FAM241A: variants seen among roughly 807,000 people sequenced by gnomAD.
FAM241A encodes the protein family with sequence similarity 241 member A.
Under a neutral mutation model 12.2 loss-of-function variants are expected in FAM241A, and 7 were observed. That is an observed-to-expected ratio of 0.58 (90% confidence interval 0.33 to 1.08). The LOEUF is 1.08. Ranked by LOEUF, FAM241A falls within the 50% of genes least tolerant of loss-of-function variation. The pLI is 0.04. For synonymous variants in FAM241A, 74 were observed against 68.2 expected (o/e 1.08, Z -0.42); for missense variants, 161 against 169.7 (o/e 0.95, Z 0.29).
At chr4:112,174,277 C>T (rs2110431136) in intron 1 of FAM241A, among the ~76,000 whole-genome samples, 1 of 152,314 alleles carries the variant, frequency 6.6e-6, no homozygotes, top group South Asian at 2.1e-4. Flanking sequence ...CCAGGGGCTG[C>T]TCCCCAACCT....
Position 112,188,833 on chromosome 4 carries a change from A to T in FAM241A, c.*1895A>T, listed in dbSNP as rs1271325167. ...ATTTTTAATACTAACTATTTAGTATACTGTCAGTACTGTACATCTGCACAC... is the reference window on the plus strand; with the variant it reads ...ATTTTTAATACTAACTATTTAGTATTCTGTCAGTACTGTACATCTGCACAC... On this transcript the variant is annotated 3_prime_UTR_variant, in exon 2 of 2. Transcript: ENST00000309733. 6.6e-6 allele frequency: 1 copy of T among 152,184 alleles called. No individual in the cohort carries two copies. The highest frequency in any genetic ancestry group is 2.4e-5 in the African/African-American group (1 of 41,452). 9.4% of individuals were successfully genotyped at this position (152,184 alleles called of 1,614,324 possible). A position where few individuals can be genotyped will look rare whatever the true frequency, so the allele number is the denominator to read the frequency against.
chr4:112,152,110 G>A (rs1310793472), intron 1 of FAM241A, among the ~76,000 whole-genome samples: 1 of 152,170 alleles, frequency 6.6e-6, no homozygotes, highest in Non-Finnish European at 1.5e-5. Context: ...GTAACTCAGG[G>A]AATAATTTTG....
intron 1 of FAM241A, among the ~76,000 whole-genome samples, chr4:112,182,916 C>T (rs1684985311): frequency 5.9e-5 from 9 of 151,766 alleles, no homozygotes; most frequent in Admixed American, 3.3e-4. Flanking sequence ...TGACTATAAT[C>T]TCACTGATTG....
rs548105657 is a variant in FAM241A at position 112,180,317 on chromosome 4, G to A, written c.154-6376G>A. 1.8e-3 allele frequency among the ~76,000 whole-genome samples: 281 copies of A among 152,176 alleles called. 2 individuals carry two copies. The highest frequency in any genetic ancestry group is 6.5e-3 in the African/African-American group (271 of 41,530). The stretch of plus-strand genomic sequence containing the variant: ...CCTCAGCATCATGCAGTATACCCTT[G>A]TAACAAACCTGCACATGTGCCTCCT... On this transcript the variant is annotated intron_variant, in intron 1 of 1. Transcript: ENST00000309733.
chr4:112,172,270 T>G (rs566122387), intron 1 of FAM241A, among the ~76,000 whole-genome samples: 1 of 150,842 alleles, frequency 6.6e-6, no homozygotes, highest in African/African-American at 2.5e-5. Flanking sequence ...TAAACATTGC[T>G]TGTTGTTTTC....
intron 1 of FAM241A, among the ~76,000 whole-genome samples, chr4:112,176,996 G>A (rs1324753788): frequency 2.0e-5 from 3 of 152,120 alleles, no homozygotes; most frequent in African/African-American, 7.2e-5. Flanking sequence ...GTTTGTTGGG[G>A]AGGTTTTTTG....
At chr4:112,148,075 A>AT (rs1350958426) in intron 1 of FAM241A, among the ~76,000 whole-genome samples, 3 of 152,030 alleles carry the variant, frequency 2.0e-5, no homozygotes, top group Non-Finnish European at 4.4e-5. Flanking sequence ...TCTTTCAATG[A>AT]TTTTGTCAAC....
chr4:112,183,642 A>G (rs1399775280), intron 1 of FAM241A, among the ~76,000 whole-genome samples: 6 of 152,162 alleles, frequency 3.9e-5, no homozygotes, highest in African/African-American at 1.4e-4. Context: ...AACAACAAAA[A>G]AAACCCCAAA....
chr4:112,158,184 T>C (rs1723391147), intron 1 of FAM241A, among the ~76,000 whole-genome samples: 8 of 152,104 alleles, frequency 5.3e-5, no homozygotes, highest in Admixed American at 5.2e-4. Context: ...TTCTGGATGA[T>C]AATATTTTCT....
rs1228548190 is a variant in FAM241A at position 112,193,139 on chromosome 4, T to A, written c.*6201T>A. 5 of 151,662 alleles carry A rather than the reference T, an allele frequency of 3.3e-5. No individual in the cohort carries two copies. Among genetic ancestry groups the A allele is most frequent in the African/African-American group, 9.7e-5 (4 of 41,180 alleles). The allele number at this position is 151,662 out of a possible 1,614,324, so 9.4% of individuals were successfully genotyped here. ...TTCATGTGTTTTTTGGCTGCATAAA[T>A]GTCTTCTTTTGAGAAGTGTCTGTTC... On this transcript the variant is annotated 3_prime_UTR_variant, in exon 2 of 2. Coordinates refer to ENST00000309733, the MANE Select transcript of FAM241A (RefSeq NM_152400.3).
intron 1 of FAM241A, among the ~76,000 whole-genome samples, chr4:112,182,281 C>A (rs1723955388): frequency 6.6e-6 from 1 of 152,078 alleles, no homozygotes; most frequent in South Asian, 2.1e-4. Context: ...ACAAGAACTT[C>A]TAAAAATAAT....
intron 1 of FAM241A, among the ~76,000 whole-genome samples, chr4:112,168,460 A>T (rs1486425537): frequency 6.6e-6 from 1 of 152,244 alleles, no homozygotes; most frequent in East Asian, 1.9e-4. Flanking sequence ...ATATAAAACA[A>T]GAAGCTGTTA....
intron 1 of FAM241A, among the ~76,000 whole-genome samples, chr4:112,147,167 C>A (rs1223766846): frequency 6.6e-6 from 1 of 152,106 alleles, no homozygotes; most frequent in Non-Finnish European, 1.5e-5. Flanking sequence ...TGTGGTCTTT[C>A]CAAAATTGCT....
intron 1 of FAM241A, among the ~76,000 whole-genome samples, chr4:112,185,033 G>A (rs1420840407): frequency 2.6e-5 from 4 of 151,682 alleles, no homozygotes; most frequent in Non-Finnish European, 4.4e-5. Context: ...TGGCCTATAC[G>A]GCATACTTAA....
intron 1 of FAM241A, among the ~76,000 whole-genome samples, chr4:112,158,718 T>C (rs1344344287): frequency 6.6e-6 from 1 of 152,196 alleles, no homozygotes; most frequent in East Asian, 1.9e-4. Flanking sequence ...GCTATTGATA[T>C]ATAATATTTG....
At chr4:112,149,998 A>G (rs2110418817) in intron 1 of FAM241A, among the ~76,000 whole-genome samples, 1 of 152,268 alleles carries the variant, frequency 6.6e-6, no homozygotes, top group Non-Finnish European at 1.5e-5. Context: ...ACTCACATGT[A>G]TACACGTATC....
Position 112,188,825 on chromosome 4 carries a change from T to C in FAM241A, c.*1887T>C, listed in dbSNP as rs1045584456. ...TTAAAGTAATTTTTAATACTAACTA[T>C]TTAGTATACTGTCAGTACTGTACAT... On this transcript the variant is annotated 3_prime_UTR_variant, in exon 2 of 2. Transcript: ENST00000309733. 3 of 152,092 alleles carry C rather than the reference T, an allele frequency of 2.0e-5. No individual in the cohort carries two copies. Among genetic ancestry groups the C allele is most frequent in the African/African-American group, 7.2e-5 (3 of 41,396 alleles). 9.4% of individuals were successfully genotyped at this position (152,092 alleles called of 1,614,324 possible).
At chr4:112,146,136 C>T (rs896566297) in intron 1 of FAM241A, among the ~76,000 whole-genome samples, 9 of 152,144 alleles carry the variant, frequency 5.9e-5, no homozygotes, top group Non-Finnish European at 8.8e-5. Context: ...TAGGAGACGC[C>T]GGCTCCCCTC....
At position 112,192,224 on chromosome 4, in the gene FAM241A, A is replaced by G. The variant is rs954296692; in HGVS notation, c.*5286A>G. On this transcript the variant is annotated 3_prime_UTR_variant, in exon 2 of 2. Transcript: ENST00000309733. Reference sequence around the variant, plus strand: ...ATTTTCAATGTTTGGTTGATTCACTATTTTTCCAAAAAGGATATTTTACAA... The same window carrying G: ...ATTTTCAATGTTTGGTTGATTCACTGTTTTTCCAAAAAGGATATTTTACAA... The G allele has an allele frequency of 6.6e-6, 1 of 152,182 alleles. No individual in the cohort carries two copies. The highest frequency in any genetic ancestry group is 2.4e-5 in the African/African-American group (1 of 41,520). The allele number at this position is 152,182 out of a possible 1,614,324, so 9.4% of individuals were successfully genotyped here.
Sources: allele counts gnomAD v4.1 joint callset (sites outside exome capture counted in the v4.1 genomes callset), GRCh38; gene constraint gnomAD v4.1.1; transcripts MANE v1.5; gene names NCBI Gene and HGNC (gene_info 2026-07-23, HGNC 2026-07-21).